Variants in SUGCT observed in about 807,000 individuals in gnomAD.
SUGCT encodes the protein succinyl-CoA:glutarate CoA-transferase.
SUGCT carries 41 observed loss-of-function variants against 55.0 expected under a neutral mutation model. The observed-to-expected ratio is 0.74, with a 90% CI of 0.58 to 0.97. The LOEUF is 0.97. Ranked by LOEUF, SUGCT falls within the 50% of genes least tolerant of loss-of-function variation. The pLI, the probability that SUGCT is intolerant of heterozygous loss-of-function variation, is 0.00. For missense variants in SUGCT, 568 were observed against 547.8 expected, an observed-to-expected ratio of 1.04 and a Z score of -0.37; for synonymous variants, 187 against 200.4, an observed-to-expected ratio of 0.93 and a Z score of 0.56.
chr7:40,346,332 A>G (rs1797304598), intron 9 of SUGCT, among the ~76,000 whole-genome samples: 1 of 152,022 alleles, frequency 6.6e-6, no homozygotes, highest in Non-Finnish European at 1.5e-5. Context: ...AATTTTTCAT[A>G]GTTTTTTCTT....
At chr7:41,032,915 C>A in the SUGCT span, among the ~76,000 whole-genome samples, 1 of 152,204 alleles carries the variant, frequency 6.6e-6, no homozygotes, top group Non-Finnish European at 1.5e-5. Flanking sequence ...AGGCACATGC[C>A]ATCATGCCCA....
intron 12 of SUGCT, among the ~76,000 whole-genome samples, chr7:40,616,557 A>AT (rs1430047463): frequency 2.6e-5 from 4 of 152,252 alleles, no homozygotes; most frequent in African/African-American, 7.2e-5. Flanking sequence ...ATATGCTAGT[A>AT]AATGATGCAA....
rs1289471214 is a variant in SUGCT, at chr7:40,409,770, C to T, written c.817-39517C>T. ...AGGCTGGAGTGCAGTGGCATAATCT[C>T]AGCTCACTGCAACTTTTGGAGAAAA... is the stretch of plus-strand genomic sequence containing the variant. On this transcript the variant is annotated intron_variant, in intron 9 of 13. Transcript: ENST00000335693. Among the ~76,000 whole-genome samples, 3 of 151,520 alleles carry T rather than the reference C, an allele frequency of 2.0e-5. No homozygotes were observed. The East Asian group carries it at 5.8e-4, about 29-fold the overall frequency.
intron 6 of SUGCT, among the ~76,000 whole-genome samples, chr7:40,231,597 G>A (rs1465788218): frequency 1.3e-5 from 2 of 152,106 alleles, no homozygotes; most frequent in African/African-American, 4.8e-5. Flanking sequence ...CCCACCTTGG[G>A]AATAAGCTGT....
intron 8 of SUGCT, among the ~76,000 whole-genome samples, chr7:40,310,000 C>T (rs1195460513): frequency 1.3e-5 from 2 of 151,882 alleles, no homozygotes; most frequent in African/African-American, 4.8e-5. Context: ...TATGTAGATA[C>T]TCCACCCTCC....
chr7:40,497,565 C>T (rs562506976), intron 12 of SUGCT, among the ~76,000 whole-genome samples: 2 of 152,282 alleles, frequency 1.3e-5, no homozygotes, highest in South Asian at 2.1e-4. Context: ...AGGGACCCCA[C>T]ACCATCAGTG....
intron 9 of SUGCT, among the ~76,000 whole-genome samples, chr7:40,346,075 A>T (rs931503127): frequency 2.0e-5 from 3 of 152,046 alleles, no homozygotes; most frequent in African/African-American, 7.2e-5. Flanking sequence ...AATGAGATGG[A>T]GAATAACCAT....
chr7:40,145,875 A>C (rs935897756), intron 1 of SUGCT, among the ~76,000 whole-genome samples: 5 of 152,206 alleles, frequency 3.3e-5, no homozygotes, highest in African/African-American at 1.2e-4. Context: ...CTGAATACCC[A>C]TTGTGTCTTT....
intron 13 of SUGCT, among the ~76,000 whole-genome samples, chr7:40,824,945 C>A (rs1792239822): frequency 6.6e-6 from 1 of 152,150 alleles, no homozygotes; most frequent in Admixed American, 6.5e-5. Flanking sequence ...ACCTTCAAAC[C>A]ATTGCAGCCT....
At chr7:40,711,456 C>T (rs1353354810) in intron 12 of SUGCT, among the ~76,000 whole-genome samples, 1 of 151,144 alleles carries the variant, frequency 6.6e-6, no homozygotes, top group African/African-American at 2.4e-5. Flanking sequence ...GAGCCGAGAT[C>T]CCACCACTGT....
chr7:40,827,279 G>C (rs769582019), intron 13 of SUGCT, among the ~76,000 whole-genome samples: 2 of 152,164 alleles, frequency 1.3e-5, no homozygotes, highest in Non-Finnish European at 2.9e-5. Flanking sequence ...GTGTGTTGCT[G>C]GGGAAGGTGC....
chr7:41,026,576 A>C, the SUGCT span, among the ~76,000 whole-genome samples: 2 of 152,228 alleles, frequency 1.3e-5, no homozygotes, highest in Non-Finnish European at 2.9e-5. Flanking sequence ...AATGAAACTG[A>C]AGTTATGGTA....
chr7:40,308,302 A>G (rs1160682803), intron 8 of SUGCT, among the ~76,000 whole-genome samples: 2 of 152,160 alleles, frequency 1.3e-5, no homozygotes, highest in South Asian at 2.1e-4. Context: ...TAGAGAGTAC[A>G]GTGACCTGGG....
chr7:40,879,573 C>A, the SUGCT span, among the ~76,000 whole-genome samples: 7 of 152,190 alleles, frequency 4.6e-5, no homozygotes, highest in Non-Finnish European at 1.0e-4. Flanking sequence ...AAATGAGGCC[C>A]AATCATGGTT....
intron 11 of SUGCT, among the ~76,000 whole-genome samples, chr7:40,489,563 C>T (rs1157291228): frequency 6.6e-6 from 1 of 152,072 alleles, no homozygotes; most frequent in Non-Finnish European, 1.5e-5. Context: ...TGCCTGTAGT[C>T]CCAGCTGCTC....
intron 12 of SUGCT, among the ~76,000 whole-genome samples, chr7:40,736,596 AT>A (rs1009419759): frequency 1.3e-5 from 2 of 152,014 alleles, no homozygotes; most frequent in African/African-American, 4.8e-5. Flanking sequence ...GAGGAAAAAA[AT>A]ACAGATTACC....
At chr7:40,929,807 A>T in the SUGCT span, among the ~76,000 whole-genome samples, 1 of 152,132 alleles carries the variant, frequency 6.6e-6, no homozygotes, top group Non-Finnish European at 1.5e-5. Context: ...TTCTTTGTAG[A>T]TTCTGGATAT....
chr7:40,208,041 A>G (rs1355999533), intron 6 of SUGCT, among the ~76,000 whole-genome samples: 5 of 152,216 alleles, frequency 3.3e-5, no homozygotes, highest in Admixed American at 3.3e-4. Context: ...TGCTGCAAGG[A>G]TGAACCTTGA....
At chr7:40,920,326 A>G in the SUGCT span, among the ~76,000 whole-genome samples, 2 of 152,338 alleles carry the variant, frequency 1.3e-5, no homozygotes, top group East Asian at 3.9e-4. Context: ...CTGTGAGGAA[A>G]GTATGCCCTG....
Sources: allele counts gnomAD v4.1 joint callset (sites outside exome capture counted in the v4.1 genomes callset), GRCh38; gene constraint gnomAD v4.1.1; transcripts MANE v1.5; gene names NCBI Gene and HGNC (gene_info 2026-07-23, HGNC 2026-07-21).